The following OR4F6 variants were observed in gnomAD, a reference collection of about 807,000 sequenced individuals.
OR4F6 encodes olfactory receptor 4F6.
OR4F6 carries 13 observed loss-of-function variants against 15.9 expected under a neutral mutation model. The observed-to-expected ratio is 0.82, with a 90% CI of 0.53 to 1.30. The LOEUF is 1.30. OR4F6 is among the 50% of genes most tolerant of loss of function. The pLI is 0.00. For synonymous variants in OR4F6, 150 were observed against 133.8 expected (o/e 1.12, Z -0.83); for missense variants, 426 against 367.2 (o/e 1.16, Z -1.31).
Position 101,806,607 on chromosome 15 carries a change from G to A in OR4F6, c.888G>A (p.Val296=). 1.2e-6 allele frequency: 2 copies of A among 1,602,312 alleles called. No individual in the cohort carries two copies. The highest frequency in any genetic ancestry group is 1.7e-6 in the Non-Finnish European group (2 of 1,175,674). The change falls in exon 2 of 2, where the codon GTG becomes GTA. Residue 296 remains valine, a synonymous_variant. Transcript: ENST00000328882. ...CTTTTAGAAATAAAGAGATGATGGT[G>A]GCAATGAGAAGACGATGCTCTCAGT... ...IYTFRNKEMM[V]AMRRRCSQFV...
chr15:101,806,214 CCTG>C lies in OR4F6; in HGVS notation c.499_501del (p.Leu167del). 6.2e-7 allele frequency: 1 copy of C among 1,614,108 alleles called. No homozygotes were observed. Among genetic ancestry groups the C allele is most frequent in the Middle Eastern group, 1.6e-4 (1 of 6,062 alleles). Reference sequence around the variant, plus strand: ...TGATTCAGTTGGCTTTTGTTGTAGACCTGCTGTTCTGTGGCCCTAATGAATTAG... The same window carrying C: ...TGATTCAGTTGGCTTTTGTTGTAGACCTGTTCTGTGGCCCTAATGAATTAG... On this transcript the variant is annotated inframe_deletion, in exon 2 of 2. Coordinates refer to ENST00000328882, the MANE Select transcript of OR4F6 (RefSeq NM_001005326.2).
rs1902801681 is a variant in OR4F6 at position 101,806,249 on chromosome 15, T to C, written c.530T>C (p.Phe177Ser). 4 of 1,613,812 alleles carry C rather than the reference T, an allele frequency of 2.5e-6. No homozygotes were observed. The East Asian group carries it at 8.9e-5, about 36-fold the overall frequency. ...TGTGGCCCTAATGAATTAGATAGTTTCTTTTGTGATCTTCCTCGATTTATC... is the reference window on the plus strand; with the variant it reads ...TGTGGCCCTAATGAATTAGATAGTTCCTTTTGTGATCTTCCTCGATTTATC... ...LFCGPNELDS[F>S]FCDLPRFIKL... The change falls in exon 2 of 2, where the codon TTC becomes TCC. Residue 177 changes from phenylalanine (F) to serine (S), a missense_variant. Physicochemically the swap from Phe to Ser is radical, Grantham distance 155. Coordinates refer to ENST00000328882, the MANE Select transcript of OR4F6 (RefSeq NM_001005326.2).
In OR4F6 at chr15:101,806,085, A is replaced by G. The variant is rs531812298; in HGVS notation, c.366A>G (p.Arg122=). ...TGCTCATAGCCATGGCTTTTGACCG[A>G]TATGTGGCCATATGTAAGCCTCTCC... ...MVLLIAMAFD[R]YVAICKPLHY... Residue 122 remains arginine (R), a synonymous_variant, in exon 2 of 2, where the codon CGA becomes CGG. Coordinates refer to ENST00000328882, the MANE Select transcript of OR4F6 (RefSeq NM_001005326.2). The G allele has an allele frequency of 7.1e-5, 115 of 1,614,122 alleles. No homozygotes were observed. In the South Asian group the frequency reaches 1.1e-3, roughly 15 times the overall value.
chr15:101,803,592 A>T (rs1262876140), intron 1 of OR4F6, 47 bp downstream of exon 1: 1 of 152,250 alleles, frequency 6.6e-6, no homozygotes, highest in East Asian at 1.9e-4. Context: ...TCAGAACTTT[A>T]AATGGAAACA....
At position 101,806,419 on chromosome 15, in the gene OR4F6, T is replaced by G; in HGVS notation, c.700T>G (p.Phe234Val). 4 of 1,613,706 alleles carry G rather than the reference T, an allele frequency of 2.5e-6. No individual in the cohort carries two copies. The highest frequency in any genetic ancestry group is 3.4e-6 in the Non-Finnish European group (4 of 1,179,846). The change falls in exon 2 of 2, where the codon TTC becomes GTC. Residue 234 changes from phenylalanine to valine, a missense_variant. Transcript: ENST00000328882. Reference sequence around the variant, plus strand: ...TCAGAAAAAATCTTCAGGTGGTATATTCAAGGCTTTCTCTATGCTGTCAGC... The same window carrying G: ...TCAGAAAAAATCTTCAGGTGGTATAGTCAAGGCTTTCTCTATGCTGTCAGC... ...TVQKKSSGGI[F>V]KAFSMLSAHV...
rs766338576 is a variant in OR4F6 at position 101,805,794 on chromosome 15, C to T, written c.75C>T (p.Leu25=). 6.2e-6 allele frequency: 10 copies of T among 1,614,078 alleles called. No individual in the cohort carries two copies. Among genetic ancestry groups the T allele is most frequent in the Non-Finnish European group, 8.5e-6 (10 of 1,179,988 alleles). Residue 25 remains leucine, a synonymous_variant, in exon 2 of 2, where the codon CTC becomes CTT. Transcript: ENST00000328882. ...TCTCTGACTCGCGGAAGATCCAGCTCCTCCTCTTCCTCTTTTTCTCAGTGT... is the reference window on the plus strand; with the variant it reads ...TCTCTGACTCGCGGAAGATCCAGCTTCTCCTCTTCCTCTTTTTCTCAGTGT... ...LGLSDSRKIQ[L]LLFLFFSVFY...
In OR4F6 at chr15:101,806,243, A is replaced by G. The variant is rs1902801524; in HGVS notation, c.524A>G (p.Asp175Gly). Residue 175 changes from aspartate to glycine, a missense_variant, in exon 2 of 2, where the codon GAT becomes GGT. Physicochemically the swap from Asp to Gly is moderately conservative, Grantham distance 94 (BLOSUM62 -1). Transcript: ENST00000328882. ...DLLFCGPNEL[D>G]SFFCDLPRFI... ...CTGTTCTGTGGCCCTAATGAATTAG[A>G]TAGTTTCTTTTGTGATCTTCCTCGA... is the stretch of plus-strand genomic sequence containing the variant. The G allele has an allele frequency of 1.2e-6, 2 of 1,613,846 alleles. No homozygotes were observed. Among genetic ancestry groups the G allele is most frequent in the East Asian group, 2.2e-5 (1 of 44,886 alleles).
At position 101,806,003 on chromosome 15, in the gene OR4F6, G is replaced by A; in HGVS notation, c.284G>A (p.Gly95Glu). 1 of 1,614,118 alleles carries A rather than the reference G, an allele frequency of 6.2e-7. No homozygotes were observed. Among genetic ancestry groups the A allele is most frequent in the South Asian group, 1.1e-5 (1 of 91,078 alleles). ...AGGAAGCACAAGACCATCTCTTTTGGGGGCTGTGTAGTTCAGATCTTCTTT... is the reference window on the plus strand; with the variant it reads ...AGGAAGCACAAGACCATCTCTTTTGAGGGCTGTGTAGTTCAGATCTTCTTT... ...LFRKHKTISF[G>E]GCVVQIFFIH... The change falls in exon 2 of 2, where the codon GGG (glycine) becomes GAG (glutamate). Residue 95 changes from glycine to glutamate, a missense_variant. Transcript: ENST00000328882.
At position 101,805,780 on chromosome 15, in the gene OR4F6, C is replaced by G; in HGVS notation, c.61C>G (p.Arg21Gly). The G allele has an allele frequency of 6.2e-7, 1 of 1,614,084 alleles. No individual in the cohort carries two copies. The part of the protein sequence containing the change: ...EFVFLGLSDS[R>G]KIQLLLFLFF... Reference sequence around the variant, plus strand: ...TGTGTTCCTGGGACTCTCTGACTCGCGGAAGATCCAGCTCCTCCTCTTCCT... The same window carrying G: ...TGTGTTCCTGGGACTCTCTGACTCGGGGAAGATCCAGCTCCTCCTCTTCCT... The change falls in exon 2 of 2, where the codon CGG becomes GGG. Residue 21 changes from arginine to glycine, a missense_variant. Physicochemically the swap from Arg to Gly is moderately radical, Grantham distance 125. Transcript: ENST00000328882.
chr15:101,805,860 A>C lies in OR4F6; in HGVS notation c.141A>C (p.Leu47=). 1 of 1,613,960 alleles carries C rather than the reference A, an allele frequency of 6.2e-7. No homozygotes were observed. The highest frequency in any genetic ancestry group is 8.5e-7 in the Non-Finnish European group (1 of 1,179,920). Residue 47 remains leucine (L), a synonymous_variant, in exon 2 of 2, where the codon CTA becomes CTC. Coordinates refer to ENST00000328882, the MANE Select transcript of OR4F6 (RefSeq NM_001005326.2). ...TGATGGGAAATCTCCTCATTGTGCT[A>C]ACTGTGACCTCTGACCCTCGTTTAC... The part of the protein sequence containing the change: ...SSLMGNLLIV[L]TVTSDPRLQS...
At chr15:101,804,326 G>T (rs1902762795) in intron 1 of OR4F6, among the ~76,000 whole-genome samples, 1 of 152,166 alleles carries the variant, frequency 6.6e-6, no homozygotes, top group South Asian at 2.1e-4. Flanking sequence ...TCCTCATTTG[G>T]ATTGGTGATA....
chr15:101,806,773 T>G lies in OR4F6; in HGVS notation c.*115T>G. 1 of 588,904 alleles carries G rather than the reference T, an allele frequency of 1.7e-6. No homozygotes were observed. The highest frequency in any genetic ancestry group is 2.8e-6 in the Non-Finnish European group (1 of 356,104). The allele number at this position is 588,904 out of a possible 1,614,324, so 36.5% of individuals were successfully genotyped here. ...CACTTTCTACTAGTATGTATTGTGT[T>G]GTCTTTTTTTTCTTCCCAAATTGAA... On this transcript the variant is annotated 3_prime_UTR_variant, in exon 2 of 2. Coordinates refer to ENST00000328882, the MANE Select transcript of OR4F6 (RefSeq NM_001005326.2).
intron 1 of OR4F6, 75 bp from the exon 2 acceptor site, chr15:101,805,612 T>C (rs1596370311): frequency 1.1e-5 from 9 of 803,354 alleles, no homozygotes; most frequent in Admixed American, 7.6e-5. Context: ...TGACAACATA[T>C]GAATTGCTCA....
At position 101,805,241 on chromosome 15, in the gene OR4F6, T is replaced by C. The variant is rs141101124; in HGVS notation, c.-33-446T>C. ...TTAGTATAAAGGTTTTTGGTTTGGTTACCACAGTATAAACAAGATTTATTT... is the reference window on the plus strand; with the variant it reads ...TTAGTATAAAGGTTTTTGGTTTGGTCACCACAGTATAAACAAGATTTATTT... On this transcript the variant is annotated intron_variant, in intron 1 of 1. Coordinates refer to ENST00000328882, the MANE Select transcript of OR4F6 (RefSeq NM_001005326.2). Among the ~76,000 whole-genome samples the C allele has an allele frequency of 8.6e-3, 1,312 of 152,308 alleles. 16 individuals are homozygous for C. The highest frequency in any genetic ancestry group is 0.03 in the African/African-American group (1,233 of 41,584).
chr15:101,804,439 G>A (rs1192956383), intron 1 of OR4F6, among the ~76,000 whole-genome samples: 3 of 152,190 alleles, frequency 2.0e-5, no homozygotes, highest in Admixed American at 6.5e-5. Flanking sequence ...GATCTCTGGA[G>A]TATCTTTTTT....
rs1225391358 is a variant in OR4F6, at chr15:101,806,592, T to C, written c.873T>C (p.Asn291=). ...ATCCAGTCATCTATACTTTTAGAAA[T>C]AAAGAGATGATGGTGGCAATGAGAA... ...VLNPVIYTFR[N]KEMMVAMRRR... Residue 291 remains asparagine (N), a synonymous_variant, in exon 2 of 2, where the codon AAT becomes AAC. Transcript: ENST00000328882. 16 of 1,608,958 alleles carry C rather than the reference T, an allele frequency of 9.9e-6. No individual in the cohort carries two copies. The highest frequency in any genetic ancestry group is 1.7e-5 in the Admixed American group (1 of 58,740).
intron 1 of OR4F6, among the ~76,000 whole-genome samples, chr15:101,804,455 C>T (rs900256730): frequency 6.6e-6 from 1 of 152,112 alleles, no homozygotes; most frequent in African/African-American, 2.4e-5. Flanking sequence ...TTTTTTGTTA[C>T]ATTCTAGGCT....
At chr15:101,804,985 C>T (rs577966648) in intron 1 of OR4F6, among the ~76,000 whole-genome samples, 2 of 152,260 alleles carry the variant, frequency 1.3e-5, no homozygotes, top group East Asian at 3.9e-4. Context: ...TTTAATCATT[C>T]ACTTAAATAA....
Position 101,805,997 on chromosome 15 carries a change from C to T in OR4F6, c.278C>T (p.Ser93Phe), listed in dbSNP as rs144932102. 6.2e-7 allele frequency: 1 copy of T among 1,614,162 alleles called. No homozygotes were observed. The highest frequency in any genetic ancestry group is 8.5e-7 in the Non-Finnish European group (1 of 1,180,016). Residue 93 changes from serine to phenylalanine, a missense_variant, in exon 2 of 2, where the codon TCT (serine) becomes TTT (phenylalanine). Transcript: ENST00000328882. ...CTTTTCAGGAAGCACAAGACCATCT[C>T]TTTTGGGGGCTGTGTAGTTCAGATC... ...YDLFRKHKTI[S>F]FGGCVVQIFF...
Sources: allele counts gnomAD v4.1 joint callset (sites outside exome capture counted in the v4.1 genomes callset), GRCh38; gene constraint gnomAD v4.1.1; transcripts MANE v1.5; gene names NCBI Gene and HGNC (gene_info 2026-07-23, HGNC 2026-07-21).